The following LRRC4C variants were observed in gnomAD, a reference collection of about 807,000 sequenced individuals.
LRRC4C encodes the protein leucine rich repeat containing 4C.
In LRRC4C, 5 loss-of-function variants were observed where a neutral mutation model predicts 33.6. The ratio of observed to expected loss-of-function variants is 0.15; its 90% confidence interval spans 0.08 to 0.31. The LOEUF is 0.31. LRRC4C is among the 10% of genes least tolerant of loss of function. The pLI, the probability that LRRC4C is intolerant of heterozygous loss-of-function variation, is 1.00. For missense variants in LRRC4C, 560 were observed against 796.7 expected, an observed-to-expected ratio of 0.70 and a Z score of 3.58; for synonymous variants, 329 against 302.0, an observed-to-expected ratio of 1.09 and a Z score of -0.93.
At chr11:40,747,367 C>T (rs1337024812) in intron 2 of LRRC4C, among the ~76,000 whole-genome samples, 1 of 152,146 alleles carries the variant, frequency 6.6e-6, no homozygotes, top group Non-Finnish European at 1.5e-5. Context: ...CAAACATGCA[C>T]TACCCAACCA....
chr11:41,249,068 T>A (rs1167854842), intron 1 of LRRC4C, among the ~76,000 whole-genome samples: 1 of 150,310 alleles, frequency 6.7e-6, no homozygotes, highest in Non-Finnish European at 1.5e-5. Context: ...GGAGTCTCAC[T>A]CTGTCGCCCA....
chr11:40,409,991 T>G (rs1484306242), intron 3 of LRRC4C, among the ~76,000 whole-genome samples: 1 of 152,104 alleles, frequency 6.6e-6, no homozygotes, highest in African/African-American at 2.4e-5. Context: ...TTAAAATAAA[T>G]AAATCAATTA....
intron 2 of LRRC4C, among the ~76,000 whole-genome samples, chr11:40,782,398 A>G (rs1390668350): frequency 1.3e-5 from 2 of 150,916 alleles, no homozygotes; most frequent in Non-Finnish European, 2.9e-5. Flanking sequence ...ACACACCATT[A>G]TCTCCTAGTC....
chr11:40,822,601 A>G (rs535383113), intron 2 of LRRC4C, among the ~76,000 whole-genome samples: 175 of 151,724 alleles, frequency 1.2e-3, no homozygotes, highest in Non-Finnish European at 1.8e-3. Context: ...AAAGTTTGCA[A>G]ATATTTTCTC....
At chr11:40,251,908 T>A (rs1170872724) in intron 4 of LRRC4C, among the ~76,000 whole-genome samples, 2 of 152,206 alleles carry the variant, frequency 1.3e-5, no homozygotes, top group African/African-American at 2.4e-5. Flanking sequence ...TCTGTGGAGT[T>A]CAGTGTTAGG....
At chr11:40,566,537 A>T (rs1472823322) in intron 3 of LRRC4C, among the ~76,000 whole-genome samples, 1 of 152,118 alleles carries the variant, frequency 6.6e-6, no homozygotes, top group African/African-American at 2.4e-5. Context: ...AGATTATTTA[A>T]TTTAACTTGT....
chr11:41,079,439 C>T (rs996309267), intron 1 of LRRC4C, among the ~76,000 whole-genome samples: 8 of 152,126 alleles, frequency 5.3e-5, no homozygotes, highest in Non-Finnish European at 1.0e-4. Context: ...AATAGTGTTG[C>T]TATACTATTC....
At chr11:40,603,720 C>T (rs1183556412) in intron 3 of LRRC4C, among the ~76,000 whole-genome samples, 1 of 152,050 alleles carries the variant, frequency 6.6e-6, no homozygotes, top group African/African-American at 2.4e-5. Flanking sequence ...CCCTTAAGGC[C>T]TTACTAAGAG....
At chr11:40,878,670 G>A (rs966716579) in intron 2 of LRRC4C, among the ~76,000 whole-genome samples, 16 of 152,304 alleles carry the variant, frequency 1.1e-4, no homozygotes, top group African/African-American at 3.1e-4. Flanking sequence ...TGGCCCAGGG[G>A]TTGGGAATCC....
chr11:41,336,952 A>G (rs1224306628), intron 1 of LRRC4C, among the ~76,000 whole-genome samples: 2 of 152,238 alleles, frequency 1.3e-5, no homozygotes, highest in African/African-American at 4.8e-5. Context: ...AAGGAAACTA[A>G]GACATAAAAA....
At chr11:41,181,119 C>T (rs1288381252) in intron 1 of LRRC4C, among the ~76,000 whole-genome samples, 1 of 152,056 alleles carries the variant, frequency 6.6e-6, no homozygotes, top group Non-Finnish European at 1.5e-5. Context: ...AATAGCATTC[C>T]CTTTGCATTC....
chr11:40,537,637 G>A (rs1055824638), intron 3 of LRRC4C, among the ~76,000 whole-genome samples: 64 of 151,966 alleles, frequency 4.2e-4, no homozygotes, highest in African/African-American at 1.5e-3. Flanking sequence ...ACCCCATCTG[G>A]TTCTCAAAAA....
chr11:40,884,215 C>T (rs1308770812), intron 2 of LRRC4C, among the ~76,000 whole-genome samples: 1 of 152,024 alleles, frequency 6.6e-6, no homozygotes, highest in Non-Finnish European at 1.5e-5. Context: ...TTTACAGCTT[C>T]GTCCATTACC....
intron 4 of LRRC4C, among the ~76,000 whole-genome samples, chr11:40,257,388 T>C (rs1867293245): frequency 6.6e-6 from 1 of 152,212 alleles, no homozygotes; most frequent in Admixed American, 6.6e-5. Flanking sequence ...GAGTATTTAC[T>C]ATAAGTCAAG....
intron 1 of LRRC4C, among the ~76,000 whole-genome samples, chr11:41,379,617 A>C (rs1360726341): frequency 6.6e-6 from 1 of 152,028 alleles, no homozygotes; most frequent in Admixed American, 6.6e-5. Flanking sequence ...CCTTGAGCCT[A>C]CCCAGGGCCT....
At chr11:40,429,471 T>C (rs1950833847) in intron 3 of LRRC4C, among the ~76,000 whole-genome samples, 1 of 152,174 alleles carries the variant, frequency 6.6e-6, no homozygotes, top group Non-Finnish European at 1.5e-5. Context: ...TAGTTTAACA[T>C]TGACTTCTTT....
chr11:40,591,218 T>G (rs1959041050), intron 3 of LRRC4C, among the ~76,000 whole-genome samples: 1 of 152,156 alleles, frequency 6.6e-6, no homozygotes, highest in African/African-American at 2.4e-5. Flanking sequence ...AGCGCAGTAT[T>G]CGGGTGGGAG....
intron 3 of LRRC4C, among the ~76,000 whole-genome samples, chr11:40,434,547 A>C (rs1004925830): frequency 6.6e-6 from 1 of 152,204 alleles, no homozygotes; most frequent in Non-Finnish European, 1.5e-5. Context: ...ATCAGAACAA[A>C]AACTCCGTGG....
intron 2 of LRRC4C, among the ~76,000 whole-genome samples, chr11:40,867,887 C>A (rs1954447307): frequency 6.6e-6 from 1 of 152,152 alleles, no homozygotes. Context: ...TAGATAATGT[C>A]ACTCTGGCAA....
Sources: gnomAD v4.1 joint callset for allele counts (sites outside exome capture counted in the v4.1 genomes callset) on GRCh38, gnomAD v4.1.1 for gene constraint, MANE v1.5 for transcripts, NCBI Gene and HGNC (gene_info 2026-07-23, HGNC 2026-07-21) for gene names.